The following CAPN1 variants were observed in gnomAD, a reference collection of about 807,000 sequenced individuals.
CAPN1 encodes the protein calpain-1 catalytic subunit.
A neutral mutation model predicts 105.2 loss-of-function variants in CAPN1; 77 were observed. The observed-to-expected ratio is 0.73, with a 90% CI of 0.61 to 0.88. The LOEUF (loss-of-function observed/expected upper bound fraction) is 0.88, where lower values mean the gene tolerates loss of function less well. CAPN1 is among the 40% of genes least tolerant of loss of function. The pLI is 0.00. For synonymous variants in CAPN1, 355 were observed against 388.8 expected (o/e 0.91, Z 1.02); for missense variants, 833 against 976.6 (o/e 0.85, Z 1.96).
chr11:65,185,767 C>A, intron 4 of CAPN1, 150 bp from the exon 5 acceptor site: 1 of 753,498 alleles, frequency 1.3e-6, no homozygotes, highest in Non-Finnish European at 2.1e-6. Flanking sequence ...TAGTATACAT[C>A]TAGTATGTAT....
rs534196812 is a variant in CAPN1, at chr11:65,186,004, G to A, written c.544G>A (p.Glu182Lys). Reference protein sequence around the residue: ...DGKLVFVHSAEGNEFWSALLE... With the variant: ...DGKLVFVHSAKGNEFWSALLE... ...GAAGCTAGTGTTCGTGCACTCTGCC[G>A]AAGGCAACGAGTTCTGGAGCGCCCT... is the stretch of plus-strand genomic sequence containing the variant. The change falls in exon 5 of 22, where the codon GAA becomes AAA. Residue 182 changes from glutamate (E) to lysine (K), a missense_variant. Transcript: ENST00000279247. The A allele has an allele frequency of 1.5e-5, 24 of 1,609,370 alleles. No homozygotes were observed. Among genetic ancestry groups the A allele is most frequent in the Admixed American group, 8.4e-5 (5 of 59,220 alleles).
In CAPN1 at chr11:65,211,455, C is replaced by A; in HGVS notation, c.*169C>A. ...TCCCAGCCACCATCGTTCATCTGCT[C>A]CGGGCAGAACTGTGTGGCCCCTGCC... On this transcript the variant is annotated 3_prime_UTR_variant, in exon 22 of 22. Coordinates refer to ENST00000279247, the MANE Select transcript of CAPN1 (RefSeq NM_005186.4). 1 of 674,834 alleles carries A rather than the reference C, an allele frequency of 1.5e-6. No individual in the cohort carries two copies. The highest frequency in any genetic ancestry group is 2.6e-6 in the Non-Finnish European group (1 of 377,502). The allele number at this position is 674,834 out of a possible 1,614,324, so 41.8% of individuals were successfully genotyped here.
chr11:65,206,111 T>C, intron 12 of CAPN1: 1 of 510,070 alleles, frequency 2.0e-6, no homozygotes, highest in Non-Finnish European at 3.5e-6. Flanking sequence ...TGTTTGTGTC[T>C]GTAAAATGGG....
rs1949044112 is a variant in CAPN1, at chr11:65,211,248, G to C, written c.2119-12G>C. On this transcript the variant is annotated splice_polypyrimidine_tract_variant and intron_variant, in intron 21 of 21. Transcript: ENST00000279247. ...TTCTGCGGCCCCAGCTGACCTGCCTGTTCTCCCGCAGTGGTTGCAGCTGAC... is the reference window on the plus strand; with the variant it reads ...TTCTGCGGCCCCAGCTGACCTGCCTCTTCTCCCGCAGTGGTTGCAGCTGAC... 2 of 1,612,688 alleles carry C rather than the reference G, an allele frequency of 1.2e-6. No individual in the cohort carries two copies. Among genetic ancestry groups the C allele is most frequent in the African/African-American group, 1.3e-5 (1 of 75,002 alleles).
intron 10 of CAPN1, among the ~76,000 whole-genome samples, chr11:65,195,110 T>TCG (rs1439767021): frequency 1.5e-5 from 2 of 129,502 alleles, no homozygotes; most frequent in Admixed American, 8.2e-5. Flanking sequence ...GTTTTTTTTT[T>TCG]TTTTTTTTTT....
chr11:65,211,075 G>A lies in CAPN1; in HGVS notation c.2119-185G>A, dbSNP rs756383995. ...AGCAGGAGGGGAGGTCCAGGCCCTT[G>A]GAGGCCCCTATGGGAGCAGCACTCT... On this transcript the variant is annotated intron_variant, in intron 21 of 21. Transcript: ENST00000279247. 453 of 752,594 alleles carry A rather than the reference G, an allele frequency of 6.0e-4. 1 individual carries two copies. The Middle Eastern group carries it at 0.01, about 17-fold the overall frequency. 46.6% of individuals were successfully genotyped at this position (752,594 alleles called of 1,614,324 possible).
chr11:65,186,783 C>A (rs755023236), intron 6 of CAPN1, among the ~76,000 whole-genome samples: 4 of 152,172 alleles, frequency 2.6e-5, no homozygotes, highest in Non-Finnish European at 4.4e-5. Flanking sequence ...CCAGACTTGA[C>A]CCCAGTATCA....
chr11:65,207,984 C>A, intron 14 of CAPN1, 71 bp from the exon 15 acceptor site: 2 of 1,169,668 alleles, frequency 1.7e-6, no homozygotes, highest in Non-Finnish European at 2.5e-6. Flanking sequence ...GACCTCAGCC[C>A]TCCCTCCAGC....
In CAPN1 at chr11:65,211,776, A is replaced by G. The variant is rs1949054438; in HGVS notation, c.*490A>G. 2 of 164,458 alleles carry G rather than the reference A, an allele frequency of 1.2e-5. No homozygotes were observed. Among genetic ancestry groups the G allele is most frequent in the Admixed American group, 5.8e-5 (1 of 17,252 alleles). The allele number at this position is 164,458 out of a possible 1,614,324, so 10.2% of individuals were successfully genotyped here. A position where few individuals can be genotyped will look rare whatever the true frequency, so the allele number is the denominator to read the frequency against. On this transcript the variant is annotated 3_prime_UTR_variant, in exon 22 of 22. Transcript: ENST00000279247. Reference sequence around the variant, plus strand: ...CCTGTGCCTTCCTGCGCCGAAGCCAACGCCCCCTCTGTCCTTCCCTGGCCC... The same window carrying G: ...CCTGTGCCTTCCTGCGCCGAAGCCAGCGCCCCCTCTGTCCTTCCCTGGCCC...
At position 65,183,564 on chromosome 11, in the gene CAPN1, A is replaced by G; in HGVS notation, c.428A>G (p.Asn143Ser). ...GTTCCGCACGGCCAGAGCTTCCAGAATGGCTATGCCGGCATCTTCCATTTC... is the reference window on the plus strand; with the variant it reads ...GTTCCGCACGGCCAGAGCTTCCAGAGTGGCTATGCCGGCATCTTCCATTTC... ...RVVPHGQSFQ[N>S]GYAGIFHFQL... The change falls in exon 4 of 22, where the codon AAT (asparagine) becomes AGT (serine). Residue 143 changes from asparagine (N) to serine (S), a missense_variant. Coordinates refer to ENST00000279247, the MANE Select transcript of CAPN1 (RefSeq NM_005186.4). 4 of 1,613,626 alleles carry G rather than the reference A, an allele frequency of 2.5e-6. No individual in the cohort carries two copies. Among genetic ancestry groups the G allele is most frequent in the Non-Finnish European group, 8.5e-7 (1 of 1,179,566 alleles).
At chr11:65,181,782 CGTGA>C (rs1948535920), upstream of CAPN1, 1 of 236,508 alleles carries the variant, frequency 4.2e-6, no homozygotes, top group Non-Finnish European at 8.7e-6. The surrounding 1 kb of genome is among the most constrained non-coding windows in gnomAD (Gnocchi z 4.6). Flanking sequence ...GGGGAGACAC[CGTGA>C]GTAAGAGATA....
chr11:65,199,246 A>G (rs1043289350), intron 10 of CAPN1, among the ~76,000 whole-genome samples: 1 of 152,182 alleles, frequency 6.6e-6, no homozygotes, highest in Non-Finnish European at 1.5e-5. Context: ...TTCTCTGGAT[A>G]TAGAATTCTG....
rs1794767412 is a variant in CAPN1 at position 65,208,353 on chromosome 11, C to T, written c.1729+91C>T. Reference sequence around the variant, plus strand: ...TCACACATTGAGCTGAACCTCATCCCTTGGTCTGCATGAGTCGGGGAATCC... The same window carrying T: ...TCACACATTGAGCTGAACCTCATCCTTTGGTCTGCATGAGTCGGGGAATCC... On this transcript the variant is annotated intron_variant, in intron 16 of 21. Transcript: ENST00000279247. This position sits in a 1 kb window ranked among gnomAD's most constrained non-coding sequence, Gnocchi z 4.1. The T allele has an allele frequency of 1.0e-5, 13 of 1,258,984 alleles. No individual in the cohort carries two copies. The highest frequency in any genetic ancestry group is 1.5e-5 in the Non-Finnish European group (13 of 882,070). The allele number at this position is 1,258,984 out of a possible 1,614,324, so 78.0% of individuals were successfully genotyped here.
chr11:65,186,226 A>G lies in CAPN1; in HGVS notation c.647A>G (p.Asp216Gly). The change falls in exon 6 of 22, where the codon GAC (aspartate) becomes GGC (glycine). Residue 216 changes from aspartate (D) to glycine (G), a missense_variant. Transcript: ENST00000279247. ...SGGSTSEGFEDFTGGVTEWYE... is the reference protein window; with the variant it reads ...SGGSTSEGFEGFTGGVTEWYE... The stretch of plus-strand genomic sequence containing the variant: ...GGCAGCACCTCAGAGGGCTTTGAGG[A>G]CTTCACAGGCGGGGTTACCGAGTGG... The G allele has an allele frequency of 6.2e-7, 1 of 1,613,602 alleles. No individual in the cohort carries two copies. The highest frequency in any genetic ancestry group is 8.5e-7 in the Non-Finnish European group (1 of 1,179,718).
chr11:65,205,758 C>A lies in CAPN1; in HGVS notation c.1353+37C>A, dbSNP rs772061894. 6.2e-6 allele frequency: 10 copies of A among 1,606,030 alleles called. No homozygotes were observed. In the South Asian group the frequency reaches 8.8e-5, roughly 14 times the overall value. Reference sequence around the variant, plus strand: ...ACCATGACCCACCTGCAGTCACACACCCCTGATGGTGCCAGAGGGGAGCAA... The same window carrying A: ...ACCATGACCCACCTGCAGTCACACAACCCTGATGGTGCCAGAGGGGAGCAA... On this transcript the variant is annotated intron_variant, in intron 12 of 21. Transcript: ENST00000279247.
Position 65,208,572 on chromosome 11 carries a change from G to A in CAPN1, c.1729+310G>A. On this transcript the variant is annotated intron_variant, in intron 16 of 21. Transcript: ENST00000279247. The surrounding 1 kb of genome is among the most constrained non-coding windows in gnomAD (Gnocchi z 4.1). ...AGGCAGGAGTCGCTTCAGCCCAGGA[G>A]TTCAACACCAGCCTGGACAATATGG... 1 of 470,286 alleles carries A rather than the reference G, an allele frequency of 2.1e-6. No homozygotes were observed. 29.1% of individuals were successfully genotyped at this position (470,286 alleles called of 1,614,324 possible). A position where few individuals can be genotyped will look rare whatever the true frequency, so the allele number is the denominator to read the frequency against.
chr11:65,210,568 T>C lies in CAPN1; in HGVS notation c.2059+116T>C. 1 of 754,354 alleles carries C rather than the reference T, an allele frequency of 1.3e-6. No homozygotes were observed. Among genetic ancestry groups the C allele is most frequent in the East Asian group, 2.7e-5 (1 of 37,346 alleles). The allele number at this position is 754,354 out of a possible 1,614,324, so 46.7% of individuals were successfully genotyped here. On this transcript the variant is annotated intron_variant, in intron 20 of 21. Coordinates refer to ENST00000279247, the MANE Select transcript of CAPN1 (RefSeq NM_005186.4). The surrounding 1 kb of genome is among the most constrained non-coding windows in gnomAD (Gnocchi z 4.3). ...GATACAGGCCAGTGCTGTGGGTGTG[T>C]GCCAGAGAGGCCTGGGTCTGGGTTT...
At chr11:65,197,254 T>C (rs991633064) in intron 10 of CAPN1, among the ~76,000 whole-genome samples, 1 of 152,220 alleles carries the variant, frequency 6.6e-6, no homozygotes, top group African/African-American at 2.4e-5. Flanking sequence ...AAAAATCTTA[T>C]AACATCCTAA....
At position 65,211,748 on chromosome 11, in the gene CAPN1, AC is replaced by A. The variant is rs1463728652; in HGVS notation, c.*463del. 5.9e-6 allele frequency: 1 copy of A among 170,000 alleles called. No individual in the cohort carries two copies. The highest frequency in any genetic ancestry group is 1.3e-5 in the Non-Finnish European group (1 of 78,772). 10.5% of individuals were successfully genotyped at this position (170,000 alleles called of 1,614,324 possible). A position where few individuals can be genotyped will look rare whatever the true frequency, so the allele number is the denominator to read the frequency against. ...GCTCGGGGAGGCCCCGGGGCTGGGA[AC>A]GCCTGTGCCTTCCTGCGCCGAAGCC... On this transcript the variant is annotated 3_prime_UTR_variant, in exon 22 of 22. Coordinates refer to ENST00000279247, the MANE Select transcript of CAPN1 (RefSeq NM_005186.4).
Sources: allele counts gnomAD v4.1 joint callset (sites outside exome capture counted in the v4.1 genomes callset), GRCh38; gene constraint gnomAD v4.1.1; non-coding constraint Gnocchi (gnomAD v3.1); transcripts MANE v1.5; gene names NCBI Gene and HGNC (gene_info 2026-07-23, HGNC 2026-07-21).